Variants in DNAH6 observed in about 807,000 individuals in gnomAD.
The protein encoded by DNAH6 is axonemal beta dynein heavy chain 6.
A neutral mutation model predicts 491.4 loss-of-function variants in DNAH6; 340 were observed. That is an observed-to-expected ratio of 0.69 (90% CI 0.63 to 0.76). The LOEUF (loss-of-function observed/expected upper bound fraction) is 0.76, where lower values mean the gene tolerates loss of function less well. DNAH6 is among the 30% of genes least tolerant of loss of function. The pLI, the probability that DNAH6 is intolerant of heterozygous loss-of-function variation, is 0.00. For synonymous variants in DNAH6, 1,603 were observed against 1,686.1 expected, an observed-to-expected ratio of 0.95 and a Z score of 1.21; for missense variants, 4,443 against 4,972.2, an observed-to-expected ratio of 0.89 and a Z score of 3.20.
At chr2:84,599,014 A>G (rs1305517156) in intron 18 of DNAH6, among the ~76,000 whole-genome samples, 1 of 132,124 alleles carries the variant, frequency 7.6e-6, no homozygotes, top group Admixed American at 8.1e-5. Context: ...TGGGCCATAG[A>G]GTGAGACTCA....
rs1216862820 is a variant in DNAH6 at position 84,745,352 on chromosome 2, G to C, written c.10512+103G>C. 7.6e-6 allele frequency: 7 copies of C among 925,370 alleles called. No homozygotes were observed. The South Asian group carries it at 1.1e-4, about 15-fold the overall frequency. 57.3% of individuals were successfully genotyped at this position (925,370 alleles called of 1,614,324 possible). On this transcript the variant is annotated intron_variant, in intron 63 of 76. Transcript: ENST00000389394. The stretch of plus-strand genomic sequence containing the variant: ...TTTATTTGAGAGTAACAATGGCCAA[G>C]TTTGGGAGATGACTCAAAAAAATGA...
chr2:84,693,045 TTC>T (rs1412922472), intron 45 of DNAH6, among the ~76,000 whole-genome samples: 8 of 152,200 alleles, frequency 5.3e-5, no homozygotes, highest in African/African-American at 1.9e-4. Flanking sequence ...TCCTCTAGTT[TTC>T]TTTCTTGATC....
chr2:84,622,038 G>C (rs532108364), intron 26 of DNAH6, among the ~76,000 whole-genome samples: 1 of 152,292 alleles, frequency 6.6e-6, no homozygotes, highest in South Asian at 2.1e-4. Context: ...GCTGGGAAAT[G>C]CTATTTTGCT....
At chr2:84,725,839 A>T (rs1275461647) in intron 60 of DNAH6, among the ~76,000 whole-genome samples, 8 of 152,194 alleles carry the variant, frequency 5.3e-5, no homozygotes, top group Admixed American at 4.6e-4. Flanking sequence ...GTACCATATT[A>T]TCACATATTC....
At position 84,528,951 on chromosome 2, in the gene DNAH6, G is replaced by A. The variant is rs1281314498; in HGVS notation, c.447G>A (p.Leu149=). Residue 149 remains leucine, a synonymous_variant, in exon 4 of 77, where the codon CTG becomes CTA. Coordinates refer to ENST00000389394, the MANE Select transcript of DNAH6 (RefSeq NM_001370.2). ...VEVFSPSPPK[L]PHTGIGKRGL... is the part of the protein sequence containing the mutation. ...TGTTCTCTCCCTCTCCTCCTAAACT[G>A]CCACATACTGGTATTGGAAAAAGAG... 6.5e-7 allele frequency: 1 copy of A among 1,549,158 alleles called. No individual in the cohort carries two copies. Among genetic ancestry groups the A allele is most frequent in the South Asian group, 1.2e-5 (1 of 83,962 alleles).
At chr2:84,655,020 C>T (rs759397064) in intron 35 of DNAH6, among the ~76,000 whole-genome samples, 19 of 152,048 alleles carry the variant, frequency 1.2e-4, no homozygotes, top group Non-Finnish European at 1.8e-4. Flanking sequence ...TGCCTCCTGC[C>T]TATTCTGCCT....
chr2:84,681,624 G>A (rs752197039), intron 42 of DNAH6, 96 bp downstream of exon 42: 263 of 1,129,538 alleles, frequency 2.3e-4, no homozygotes, highest in Non-Finnish European at 2.8e-4. Flanking sequence ...GCAGGTGTTG[G>A]TGACTCACCC....
rs1366545343 is a variant in DNAH6, at chr2:84,625,050, G to A, written c.4502G>A (p.Gly1501Asp). The change falls in exon 29 of 77, where the codon GGT becomes GAT. Residue 1501 changes from glycine (G) to aspartate (D), a missense_variant. Coordinates refer to ENST00000389394, the MANE Select transcript of DNAH6 (RefSeq NM_001370.2). The part of the protein sequence containing the change: ...IQCVVFNCSD[G>D]LDYKMMGRFF... ...TGTGTGGTCTTTAACTGTTCAGATG[G>A]TTTGGACTACAAGGTACAGTTCTTG... is the stretch of plus-strand genomic sequence containing the variant. 3 of 1,544,238 alleles carry A rather than the reference G, an allele frequency of 1.9e-6. No individual in the cohort carries two copies. Among genetic ancestry groups the A allele is most frequent in the Admixed American group, 2.0e-5 (1 of 49,516 alleles).
chr2:84,645,147 T>C (rs1689774077), intron 33 of DNAH6, among the ~76,000 whole-genome samples: 1 of 151,542 alleles, frequency 6.6e-6, no homozygotes, highest in African/African-American at 2.4e-5. Context: ...AGGCCGGGGG[T>C]GGTGGCTCAT....
At chr2:84,628,752 T>C (rs1001789450) in intron 29 of DNAH6, among the ~76,000 whole-genome samples, 1 of 152,134 alleles carries the variant, frequency 6.6e-6, no homozygotes, top group Non-Finnish European at 1.5e-5. Context: ...GAGAAAGAAT[T>C]TGAACACGTC....
chr2:84,746,869 C>G (rs2105053640), intron 63 of DNAH6, among the ~76,000 whole-genome samples: 1 of 152,218 alleles, frequency 6.6e-6, no homozygotes, highest in East Asian at 1.9e-4. Flanking sequence ...AAAGGGGGAG[C>G]AGGCACATCA....
intron 76 of DNAH6, among the ~76,000 whole-genome samples, chr2:84,818,600 C>T (rs1680732311): frequency 6.6e-6 from 1 of 151,180 alleles, no homozygotes; most frequent in African/African-American, 2.4e-5. Context: ...TTAAAATCAC[C>T]ACAGCAGTGC....
At chr2:84,694,154 T>G (rs777568534) in intron 45 of DNAH6, 95 bp from the exon 46 acceptor site, 7 of 1,102,674 alleles carry the variant, frequency 6.3e-6, no homozygotes, top group Non-Finnish European at 9.3e-6. Flanking sequence ...GGGAGGAGGC[T>G]CCACTGGCCA....
intron 68 of DNAH6, among the ~76,000 whole-genome samples, chr2:84,792,273 C>A (rs1677831619): frequency 6.6e-6 from 1 of 152,068 alleles, no homozygotes; most frequent in Admixed American, 6.5e-5. Flanking sequence ...TATAGTTATA[C>A]AAGATGAGTA....
chr2:84,741,476 A>G (rs1192317), intron 62 of DNAH6, among the ~76,000 whole-genome samples: 7,033 of 152,112 alleles, frequency 0.046, 185 homozygotes, highest in South Asian at 0.062. Context: ...GCCCAAACTA[A>G]ACAAAGCATG....
intron 22 of DNAH6, 24 bp from the exon 23 acceptor site, chr2:84,616,862 A>G (rs2104375378): frequency 1.5e-6 from 2 of 1,312,604 alleles, no homozygotes; most frequent in East Asian, 5.8e-5. Flanking sequence ...AGTTTTACCA[A>G]TACTATTTTT....
intron 16 of DNAH6, among the ~76,000 whole-genome samples, chr2:84,593,115 A>C (rs982714610): frequency 6.6e-6 from 1 of 152,328 alleles, no homozygotes; most frequent in African/African-American, 2.4e-5. Context: ...AATAAAAAGA[A>C]AAGTTAAAAA....
At chr2:84,788,989 G>A (rs981800446) in intron 68 of DNAH6, among the ~76,000 whole-genome samples, 1 of 152,130 alleles carries the variant, frequency 6.6e-6, no homozygotes, top group Non-Finnish European at 1.5e-5. Flanking sequence ...CCTTGCCAGG[G>A]TAACATCAAT....
rs1470275114 is a variant in DNAH6 at position 84,577,298 on chromosome 2, C to T, written c.1966C>T (p.Gln656Ter). 6.3e-7 allele frequency: 1 copy of T among 1,594,848 alleles called. No individual in the cohort carries two copies. The highest frequency in any genetic ancestry group is 1.8e-5 in the Admixed American group (1 of 56,946). The change falls in exon 13 of 77, where the codon CAG becomes TAG. Residue 656 changes from glutamine (Q) to a stop codon, truncating the protein, a stop_gained. Coordinates refer to ENST00000389394, the MANE Select transcript of DNAH6 (RefSeq NM_001370.2). LOFTEE classifies it high-confidence loss of function. ...FSEQLEKYHK[Q>*]HKDAVALRPT... Reference sequence around the variant, plus strand: ...TGAACAACTGGAAAAATATCACAAACAGCACAAGGACGCAGTAGCGCTCAG... The same window carrying T: ...TGAACAACTGGAAAAATATCACAAATAGCACAAGGACGCAGTAGCGCTCAG...
Sources: gnomAD v4.1 joint callset for allele counts (sites outside exome capture counted in the v4.1 genomes callset) on GRCh38, gnomAD v4.1.1 for gene constraint, MANE v1.5 for transcripts, NCBI Gene and HGNC (gene_info 2026-07-23, HGNC 2026-07-21) for gene names.